The following LAMB3 variants were observed in gnomAD, a reference collection of about 807,000 sequenced individuals.
LAMB3 encodes the protein laminin subunit beta 3, also known as laminin subunit beta-3.
A neutral mutation model predicts 140.3 loss-of-function variants in LAMB3; 104 were observed. The observed-to-expected ratio is 0.74, with a 90% CI of 0.63 to 0.87. LAMB3 has a LOEUF of 0.87. LAMB3 is among the 40% of genes least tolerant of loss of function. The probability of loss-of-function intolerance (pLI) is 0.00; values close to 1 mark genes in which losing one functional copy is unlikely to be tolerated. For missense variants in LAMB3, 1,531 were observed against 1,575.2 expected, an observed-to-expected ratio of 0.97 and a Z score of 0.47; for synonymous variants, 592 against 602.9, an observed-to-expected ratio of 0.98 and a Z score of 0.26.
chr1:209,633,882 C>T (rs76819979), intron 6 of LAMB3, among the ~76,000 whole-genome samples: 6 of 152,128 alleles, frequency 3.9e-5, no homozygotes, highest in Non-Finnish European at 7.3e-5. Flanking sequence ...ATTTGACCCA[C>T]GTTGGGAGGA....
Position 209,626,972 on chromosome 1 carries a change from C to T in LAMB3, c.1492G>A (p.Gly498Arg), listed in dbSNP as rs1471503815. 1.2e-6 allele frequency: 2 copies of T among 1,610,998 alleles called. No homozygotes were observed. Among genetic ancestry groups the T allele is most frequent in the Non-Finnish European group, 1.7e-6 (2 of 1,178,062 alleles). Reference protein sequence around the residue: ...SLSPQCNQFTGQCPCREGFGG... With the variant: ...SLSPQCNQFTRQCPCREGFGG... ...AAGCCTTCCCGACAGGGGCACTGCC[C>T]TGTGAACTGCGTGGGGAGAGCACCG... The change falls in exon 13 of 23, where the codon GGG becomes AGG. Residue 498 changes from glycine to arginine, a missense_variant. Gly to Arg is a moderately radical substitution (Grantham distance 125, BLOSUM62 -2). Coordinates refer to ENST00000356082, the MANE Select transcript of LAMB3 (RefSeq NM_000228.3).
chr1:209,638,867 C>T (rs147850209), intron 3 of LAMB3, among the ~76,000 whole-genome samples: 1,768 of 151,036 alleles, frequency 0.012, 15 homozygotes, highest in Admixed American at 0.018. Context: ...TAACACATAG[C>T]AAGTGAATGG....
chr1:209,623,911 A>G lies in LAMB3; in HGVS notation c.2066T>C (p.Phe689Ser), dbSNP rs149161589. The change falls in exon 15 of 23, where the codon TTC (phenylalanine) becomes TCC (serine). Residue 689 changes from phenylalanine to serine, a missense_variant. Transcript: ENST00000356082. This position sits in a 1 kb window ranked among gnomAD's most constrained non-coding sequence, Gnocchi z 4.2. ...CTGATACATAGTAAGGAGACCATTG[A>G]AGCTTCTGTCAAGACTCTCCAGGTC... ...PRDLESLDRSFNGLLTMYQRK... is the reference protein window; with the variant it reads ...PRDLESLDRSSNGLLTMYQRK... 1.0e-4 allele frequency: 161 copies of G among 1,614,116 alleles called. No individual in the cohort carries two copies. The African/African-American group carries it at 2.0e-3, about 20-fold the overall frequency.
rs533942309 is a variant in LAMB3 at position 209,622,700 on chromosome 1, G to C, written c.2557-20C>G. 17 of 1,614,020 alleles carry C rather than the reference G, an allele frequency of 1.1e-5. No individual in the cohort carries two copies. The South Asian group carries it at 1.9e-4, about 18-fold the overall frequency. ...CCTAATCTGTTGACATACACTCTAG[G>C]TCAGAAGGGGTAAGGCCCCAAGGGA... On this transcript the variant is annotated intron_variant, in intron 17 of 22. Coordinates refer to ENST00000356082, the MANE Select transcript of LAMB3 (RefSeq NM_000228.3).
At chr1:209,642,842 A>G (rs925900781) in intron 3 of LAMB3, among the ~76,000 whole-genome samples, 1 of 152,232 alleles carries the variant, frequency 6.6e-6, no homozygotes, top group Non-Finnish European at 1.5e-5. Context: ...AAATAGTATC[A>G]TAAAACAAAA....
At chr1:209,635,328 TA>T (rs951368192) in intron 5 of LAMB3, among the ~76,000 whole-genome samples, 30 of 152,208 alleles carry the variant, frequency 2.0e-4, no homozygotes, top group African/African-American at 7.0e-4. Context: ...ATCTCCCTAG[TA>T]AGCTTCATCT....
intron 14 of LAMB3, 91 bp downstream of exon 14, chr1:209,625,557 A>T: frequency 6.8e-7 from 1 of 1,471,840 alleles, no homozygotes; most frequent in Non-Finnish European, 9.5e-7. Flanking sequence ...ACTGTAATGC[A>T]CTGTACAAAT....
chr1:209,618,922 T>C, intron 18 of LAMB3: 1 of 541,234 alleles, frequency 1.8e-6, no homozygotes, highest in Non-Finnish European at 3.3e-6. Context: ...GCCAACTAAG[T>C]GTCTGGTGCC....
At chr1:209,643,539 A>C (rs565444143) in intron 3 of LAMB3, among the ~76,000 whole-genome samples, 1 of 152,134 alleles carries the variant, frequency 6.6e-6, no homozygotes, top group Non-Finnish European at 1.5e-5. Flanking sequence ...TGGAAGATGA[A>C]CCCTCCCAGA....
Position 209,618,714 on chromosome 1 carries a change from G to A in LAMB3, c.2702-55C>T, listed in dbSNP as rs114658315. On this transcript the variant is annotated intron_variant, in intron 18 of 22. Coordinates refer to ENST00000356082, the MANE Select transcript of LAMB3 (RefSeq NM_000228.3). ...AGCCCACTAACCTCCCCAGAGATAC[G>A]AGGCCTCTCCTAGCTGAGCAGCACT... 1,318 of 1,544,530 alleles carry A rather than the reference G, an allele frequency of 8.5e-4. 9 individuals are homozygous for A. In the African/African-American group the frequency reaches 0.015, roughly 18 times the overall value.
In LAMB3 at chr1:209,651,051, C is replaced by G. The variant is rs2076562648; in HGVS notation, c.-37-70G>C. On this transcript the variant is annotated intron_variant, in intron 1 of 22. Coordinates refer to ENST00000356082, the MANE Select transcript of LAMB3 (RefSeq NM_000228.3). ...AGAGCACACTAGCCCTTTTTCTTTTCTGTTTCTAGACTCAAGTATTTTTCA... is the reference window on the plus strand; with the variant it reads ...AGAGCACACTAGCCCTTTTTCTTTTGTGTTTCTAGACTCAAGTATTTTTCA... The G allele has an allele frequency of 2.9e-6, 3 of 1,024,586 alleles. No individual in the cohort carries two copies. In the Admixed American group the frequency reaches 5.1e-5, roughly 17 times the overall value. The allele number at this position is 1,024,586 out of a possible 1,614,324, so 63.5% of individuals were successfully genotyped here. A position where few individuals can be genotyped will look rare whatever the true frequency, so the allele number is the denominator to read the frequency against.
At chr1:209,617,291 TG>T in intron 21 of LAMB3, 118 bp downstream of exon 21, 1 of 1,157,964 alleles carries the variant, frequency 8.6e-7, no homozygotes, top group Non-Finnish European at 1.3e-6. Flanking sequence ...AAGCCTCTTC[TG>T]GTTCTGTTAT....
intron 14 of LAMB3, among the ~76,000 whole-genome samples, chr1:209,624,879 A>G (rs919343463): frequency 4.7e-5 from 5 of 106,202 alleles, no homozygotes; most frequent in African/African-American, 1.8e-4. Flanking sequence ...AGAAAGAGAG[A>G]GAGGAAGGAA....
chr1:209,638,856 C>T (rs2076433216), intron 3 of LAMB3, among the ~76,000 whole-genome samples: 1 of 151,980 alleles, frequency 6.6e-6, no homozygotes, highest in Non-Finnish European at 1.5e-5. Flanking sequence ...GGTGCCCCTC[C>T]TAACACATAG....
chr1:209,638,111 G>T, intron 4 of LAMB3, 130 bp from the exon 5 acceptor site: 1 of 759,436 alleles, frequency 1.3e-6, no homozygotes, highest in Non-Finnish European at 2.3e-6. Flanking sequence ...ACTCCCTCTT[G>T]GAGAGGAGTG....
In LAMB3 at chr1:209,626,029, A is replaced by G. The variant is rs1257334065; in HGVS notation, c.1598-3T>C. Reference sequence around the variant, plus strand: ...TCCCCGGAAATCACAGTCACAGGCTAGGGCCAAGAAAAATGACAGTCAGAG... The same window carrying G: ...TCCCCGGAAATCACAGTCACAGGCTGGGGCCAAGAAAAATGACAGTCAGAG... On this transcript the variant is annotated splice_polypyrimidine_tract_variant and splice_region_variant and intron_variant, in intron 13 of 22. Coordinates refer to ENST00000356082, the MANE Select transcript of LAMB3 (RefSeq NM_000228.3). The G allele has an allele frequency of 6.2e-7, 1 of 1,612,176 alleles. No homozygotes were observed. Among genetic ancestry groups the G allele is most frequent in the South Asian group, 1.1e-5 (1 of 90,838 alleles).
chr1:209,641,558 G>A (rs973654901), intron 3 of LAMB3, among the ~76,000 whole-genome samples: 6 of 152,132 alleles, frequency 3.9e-5, no homozygotes, highest in African/African-American at 1.4e-4. Flanking sequence ...AAGATGTAGG[G>A]AAGTATGCTA....
At chr1:209,646,598 C>T (rs1422761013) in intron 3 of LAMB3, among the ~76,000 whole-genome samples, 1 of 152,166 alleles carries the variant, frequency 6.6e-6, no homozygotes. Flanking sequence ...TTGGGAGGCA[C>T]AGAGGAGGGC....
chr1:209,650,665 G>T (rs190904362), intron 2 of LAMB3, among the ~76,000 whole-genome samples: 2 of 152,378 alleles, frequency 1.3e-5, no homozygotes, highest in East Asian at 3.9e-4. Context: ...GAGCACTCAG[G>T]AAACCACAAA....
Sources: gnomAD v4.1 joint callset for allele counts (sites outside exome capture counted in the v4.1 genomes callset) on GRCh38, gnomAD v4.1.1 for gene constraint, Gnocchi (gnomAD v3.1) non-coding constraint, MANE v1.5 for transcripts, NCBI Gene and HGNC (gene_info 2026-07-23, HGNC 2026-07-21) for gene names.